The following DMD variants were observed in gnomAD, a reference collection of about 807,000 sequenced individuals.
DMD encodes mutant dystrophin.
A neutral mutation model predicts 330.1 loss-of-function variants in DMD; 63 were observed. The ratio of observed to expected loss-of-function variants is 0.19; its 90% CI spans 0.16 to 0.24. The LOEUF (loss-of-function observed/expected upper bound fraction) is 0.24. Ranked by LOEUF, DMD falls within the 10% of genes least tolerant of loss-of-function variation. The probability of loss-of-function intolerance (pLI) is 1.00; values close to 1 mark genes in which losing one functional copy is unlikely to be tolerated. For synonymous variants in DMD, 1,223 were observed against 959.8 expected (o/e 1.27, Z -5.07); for missense variants, 3,344 against 2,684.1 (o/e 1.25, Z -5.43).
intron 2 of DMD, among the ~76,000 whole-genome samples, chrX:33,018,958 ATT>A (rs2093860217): frequency 1.8e-5 from 2 of 112,123 alleles, no homozygotes; most frequent in Non-Finnish European, 3.8e-5. Flanking sequence ...TGTAATAGAA[ATT>A]TGTTAATTAT....
chrX:32,837,136 C>T (rs1417627307), intron 4 of DMD, among the ~76,000 whole-genome samples: 1 of 111,836 alleles, frequency 8.9e-6, no homozygotes, highest in Non-Finnish European at 1.9e-5. Flanking sequence ...TCAGAGTTCT[C>T]GGCATGCAGA....
rs1319008505 is a variant in DMD at position 32,600,509 on chromosome X, T to G, written c.1483-4633A>C. ...AGCTGTTACCTATATGTAAAGTTTTTTTTTTTTTTAACTACTCCTCCGACT... is the reference window on the plus strand; with the variant it reads ...AGCTGTTACCTATATGTAAAGTTTTGTTTTTTTTTAACTACTCCTCCGACT... On this transcript the variant is annotated intron_variant, in intron 12 of 78. Transcript: ENST00000357033. Among the ~76,000 whole-genome samples, 3 of 106,858 alleles carry G rather than the reference T, an allele frequency of 2.8e-5. No homozygotes were observed. The South Asian group carries it at 1.3e-3, about 45-fold the overall frequency. The allele number at this position is 106,858 out of a possible 115,157, so 92.8% of individuals were successfully genotyped here.
At chrX:31,879,217 G>T (rs950763910) in intron 47 of DMD, among the ~76,000 whole-genome samples, 5 of 103,780 alleles carry the variant, frequency 4.8e-5, no homozygotes, top group South Asian at 4.8e-4. Context: ...GGCGGGGGGG[G>T]GCCTCACAAT....
chrX:32,230,369 C>G (rs967235326), intron 43 of DMD, among the ~76,000 whole-genome samples: 1 of 111,549 alleles, frequency 9.0e-6, no homozygotes, highest in African/African-American at 3.3e-5. Flanking sequence ...CTCAGCTTCC[C>G]GAGTAGCTGG....
chrX:32,575,204 C>T (rs755653384), intron 13 of DMD, among the ~76,000 whole-genome samples: 9 of 111,310 alleles, frequency 8.1e-5, no homozygotes, highest in African/African-American at 1.3e-4. Flanking sequence ...GGCCCTAATC[C>T]ACCTATTTCT....
intron 1 of DMD, among the ~76,000 whole-genome samples, chrX:33,028,167 A>G (rs1273571572): frequency 8.9e-6 from 1 of 111,984 alleles, no homozygotes; most frequent in African/African-American, 3.2e-5. Context: ...GTGAGAAGTA[A>G]GCATGACTTG....
chrX:32,074,443 G>A (rs1300335244), intron 44 of DMD, among the ~76,000 whole-genome samples: 1 of 112,249 alleles, frequency 8.9e-6, no homozygotes, highest in African/African-American at 3.2e-5. Flanking sequence ...ACTATAGCCT[G>A]TGTGACAACT....
chrX:33,146,934 T>C (rs1450138197), intron 1 of DMD, among the ~76,000 whole-genome samples: 2 of 110,663 alleles, frequency 1.8e-5, no homozygotes, highest in African/African-American at 6.6e-5. Context: ...GCGATTCTCC[T>C]GCCTCAGCCT....
intron 1 of DMD, among the ~76,000 whole-genome samples, chrX:33,050,099 C>CA (rs774856151): frequency 1.1e-4 from 12 of 109,524 alleles, no homozygotes; most frequent in African/African-American, 2.3e-4. Flanking sequence ...GAAACCATTC[C>CA]AAAAAAAACT....
chrX:32,527,993 A>C (rs986062293), intron 17 of DMD, among the ~76,000 whole-genome samples: 1 of 112,195 alleles, frequency 8.9e-6, no homozygotes, highest in Admixed American at 9.4e-5. Flanking sequence ...TTAAATGTAA[A>C]GTAAATGTGC....
At chrX:32,226,212 C>T (rs1209302665) in intron 43 of DMD, among the ~76,000 whole-genome samples, 1 of 111,721 alleles carries the variant, frequency 9.0e-6, no homozygotes, top group Admixed American at 9.5e-5. Context: ...TACTTTGGTC[C>T]CTATACAAAC....
At chrX:32,272,826 G>C (rs1360721861) in intron 43 of DMD, among the ~76,000 whole-genome samples, 2 of 111,883 alleles carry the variant, frequency 1.8e-5, no homozygotes, top group African/African-American at 6.5e-5. Context: ...GTAATGTCTT[G>C]AAATTTCAGT....
chrX:33,027,518 T>A (rs1374272529), intron 1 of DMD, among the ~76,000 whole-genome samples: 1 of 112,338 alleles, frequency 8.9e-6, no homozygotes. Context: ...ATAGCAGCAA[T>A]AGGAAACTAA....
chrX:32,496,446 T>C (rs1381074847), intron 19 of DMD, among the ~76,000 whole-genome samples: 3 of 112,145 alleles, frequency 2.7e-5, no homozygotes, highest in Admixed American at 1.9e-4. Flanking sequence ...TGACTTAAAG[T>C]AATAGCTTTT....
chrX:32,056,784 A>G (rs2096179172), intron 44 of DMD, among the ~76,000 whole-genome samples: 1 of 111,519 alleles, frequency 9.0e-6, no homozygotes, highest in African/African-American at 3.2e-5. Context: ...AAGGGGCATC[A>G]GTATCCTGAT....
chrX:32,313,104 C>A (rs763106171), intron 41 of DMD, among the ~76,000 whole-genome samples: 6 of 108,887 alleles, frequency 5.5e-5, no homozygotes, highest in African/African-American at 1.3e-4. Context: ...CAGCAGCATC[C>A]TGATACCAAA....
intron 1 of DMD, among the ~76,000 whole-genome samples, chrX:33,282,585 G>C (rs2053352945): frequency 1.8e-5 from 2 of 111,854 alleles, no homozygotes; most frequent in Admixed American, 1.9e-4. Flanking sequence ...CCGAGGTTGG[G>C]CCACTTGCTG....
chrX:31,522,363 C>CTCTCTCTCTCTCTCTCTCTCTCTCTATA, intron 55 of DMD, among the ~76,000 whole-genome samples: 2 of 35,978 alleles, frequency 5.6e-5, no homozygotes, highest in African/African-American at 1.9e-4. Flanking sequence ...CTCTCTCTCT[C>CTCTCTCTCTCTCTCTCTCTCTCTCTATA]TATATATATA....
At position 32,027,183 on chromosome X, in the gene DMD, C is replaced by G. The variant is rs201152237; in HGVS notation, c.6439-58669G>C. ...GCACGTGCACACACACACACACACA[C>G]AGAGAGAGAGAGAGAGAGAGAGAAG... On this transcript the variant is annotated intron_variant, in intron 44 of 78. Transcript: ENST00000357033. 8.2e-5 allele frequency among the ~76,000 whole-genome samples: 8 copies of G among 97,520 alleles called. No homozygotes were observed. In the East Asian group the frequency reaches 1.0e-3, roughly 13 times the overall value. The allele number at this position is 97,520 out of a possible 115,157, so 84.7% of individuals were successfully genotyped here.
Sources: allele counts gnomAD v4.1 joint callset (sites outside exome capture counted in the v4.1 genomes callset), GRCh38; gene constraint gnomAD v4.1.1; transcripts MANE v1.5; gene names NCBI Gene and HGNC (gene_info 2026-07-23, HGNC 2026-07-21).